CAMKMT: variants seen among roughly 807,000 people sequenced by gnomAD.
The protein encoded by CAMKMT is calmodulin-lysine N-methyltransferase, also known as CaM KMT.
In CAMKMT, 53 loss-of-function variants were observed where a neutral mutation model predicts 48.0. The observed-to-expected ratio is 1.10, with a 90% CI of 0.89 to 1.39. CAMKMT has a LOEUF of 1.39. Among genes scored for constraint, CAMKMT ranks in the 40% most tolerant of loss-of-function variants. CAMKMT has a pLI of 0.00. For synonymous variants in CAMKMT, 165 were observed against 152.3 expected, an observed-to-expected ratio of 1.08 and a Z score of -0.61; for missense variants, 428 against 402.7, an observed-to-expected ratio of 1.06 and a Z score of -0.54.
chr2:44,463,534 G>A (rs984017849), intron 3 of CAMKMT, among the ~76,000 whole-genome samples: 1 of 152,160 alleles, frequency 6.6e-6, no homozygotes, highest in African/African-American at 2.4e-5. Context: ...GAAAAAGTAA[G>A]GGGTTGGGTG....
intron 3 of CAMKMT, among the ~76,000 whole-genome samples, chr2:44,553,107 CT>C (rs370016010): frequency 6.6e-6 from 1 of 152,254 alleles, no homozygotes; most frequent in African/African-American, 2.4e-5. Flanking sequence ...ACATTAAAGT[CT>C]TTTGTTGAAA....
At chr2:44,679,363 C>G (rs1675890298) in intron 3 of CAMKMT, among the ~76,000 whole-genome samples, 1 of 152,168 alleles carries the variant, frequency 6.6e-6, no homozygotes, top group Non-Finnish European at 1.5e-5. Context: ...TTTTTCCACT[C>G]TGATTACTTG....
intron 3 of CAMKMT, among the ~76,000 whole-genome samples, chr2:44,422,691 A>C (rs1296830882): frequency 6.6e-6 from 1 of 152,020 alleles, no homozygotes; most frequent in East Asian, 1.9e-4. Context: ...TTGGAACATA[A>C]ATTTCTTTTT....
chr2:44,550,494 T>G (rs1309545675), intron 3 of CAMKMT, among the ~76,000 whole-genome samples: 2 of 152,140 alleles, frequency 1.3e-5, no homozygotes, highest in Non-Finnish European at 2.9e-5. Context: ...AGATGAATAG[T>G]AAAGGAATTA....
chr2:44,665,027 T>G (rs959544059), intron 3 of CAMKMT, among the ~76,000 whole-genome samples: 29 of 152,108 alleles, frequency 1.9e-4, no homozygotes, highest in Admixed American at 1.2e-3. Flanking sequence ...TTAAACATTG[T>G]CAATTTTAAA....
intron 3 of CAMKMT, among the ~76,000 whole-genome samples, chr2:44,508,791 G>C (rs983687285): frequency 1.3e-5 from 2 of 152,008 alleles, no homozygotes; most frequent in Non-Finnish European, 2.9e-5. Context: ...GATGTAACTT[G>C]TATGTCTTAA....
At chr2:44,552,662 G>T (rs537930731) in intron 3 of CAMKMT, among the ~76,000 whole-genome samples, 1 of 152,238 alleles carries the variant, frequency 6.6e-6, no homozygotes, top group African/African-American at 2.4e-5. Flanking sequence ...TCTTACAACT[G>T]TTCTGCTAAT....
At chr2:44,668,984 T>C (rs1047671036) in intron 3 of CAMKMT, among the ~76,000 whole-genome samples, 1 of 152,106 alleles carries the variant, frequency 6.6e-6, no homozygotes, top group Non-Finnish European at 1.5e-5. Flanking sequence ...GGTTTCACCA[T>C]GTTGGCCAGG....
chr2:44,498,542 G>T (rs188437282), intron 3 of CAMKMT, among the ~76,000 whole-genome samples: 1 of 152,172 alleles, frequency 6.6e-6, no homozygotes, highest in East Asian at 1.9e-4. Flanking sequence ...TGTTTCTTTG[G>T]CAAAAGCTAG....
intron 3 of CAMKMT, among the ~76,000 whole-genome samples, chr2:44,625,279 C>A (rs984061087): frequency 6.6e-6 from 1 of 152,008 alleles, no homozygotes; most frequent in African/African-American, 2.4e-5. Context: ...TGTTTATTGA[C>A]CATTTGTATA....
intron 2 of CAMKMT, among the ~76,000 whole-genome samples, chr2:44,378,606 G>T (rs1420946608): frequency 6.6e-6 from 1 of 152,122 alleles, no homozygotes; most frequent in African/African-American, 2.4e-5. Context: ...CGATTCTCCT[G>T]CCTCAGCCTC....
chr2:44,683,226 T>A (rs1035567106), intron 3 of CAMKMT, among the ~76,000 whole-genome samples: 1 of 139,356 alleles, frequency 7.2e-6, no homozygotes, highest in African/African-American at 2.7e-5. Context: ...AAAAAAAAAA[T>A]GATTTAATTG....
intron 6 of CAMKMT, 35 bp downstream of exon 6, chr2:44,707,497 G>A: frequency 3.2e-6 from 5 of 1,571,002 alleles, no homozygotes; most frequent in Non-Finnish European, 3.5e-6. Flanking sequence ...GGTTTGTTGT[G>A]CTCATTCCTT....
chr2:44,448,923 C>T (rs1196278201), intron 3 of CAMKMT, among the ~76,000 whole-genome samples: 3 of 152,088 alleles, frequency 2.0e-5, no homozygotes, highest in Admixed American at 6.6e-5. Flanking sequence ...TTTATATGAA[C>T]GGTCTAGGAC....
chr2:44,538,688 A>C (rs1027769403), intron 3 of CAMKMT, among the ~76,000 whole-genome samples: 6 of 152,064 alleles, frequency 3.9e-5, no homozygotes, highest in Non-Finnish European at 8.8e-5. Flanking sequence ...TGCTAGGGTG[A>C]TGGGTGTGCT....
intron 3 of CAMKMT, among the ~76,000 whole-genome samples, chr2:44,699,847 C>T (rs112307156): frequency 1.3e-5 from 2 of 152,134 alleles, no homozygotes; most frequent in East Asian, 1.9e-4. Context: ...AGTCACCAGC[C>T]GCACTAGCCC....
rs150526622 is a variant in CAMKMT at position 44,404,624 on chromosome 2, C to G, written c.376+14319C>G. 9.2e-5 allele frequency among the ~76,000 whole-genome samples: 14 copies of G among 152,212 alleles called. No homozygotes were observed. In the East Asian group the frequency reaches 2.5e-3, roughly 27 times the overall value. On this transcript the variant is annotated intron_variant, in intron 3 of 10. Transcript: ENST00000378494. The stretch of plus-strand genomic sequence containing the variant: ...CAGACCACCAGCAATCCCTTAAGTA[C>G]TTTTCCTACCAGCTAATGCTAGCTT...
At chr2:44,396,322 C>G (rs1425595176) in intron 3 of CAMKMT, among the ~76,000 whole-genome samples, 5 of 152,018 alleles carry the variant, frequency 3.3e-5, no homozygotes. Context: ...ATACAAATTA[C>G]ACACTGGCAA....
chr2:44,500,810 T>C (rs866898426), intron 3 of CAMKMT, among the ~76,000 whole-genome samples: 30 of 151,788 alleles, frequency 2.0e-4, no homozygotes, highest in African/African-American at 7.3e-4. Context: ...GCCTCCTGAG[T>C]AGCTGGGATT....
Sources: gnomAD v4.1 joint callset for allele counts (sites outside exome capture counted in the v4.1 genomes callset) on GRCh38, gnomAD v4.1.1 for gene constraint, MANE v1.5 for transcripts, NCBI Gene and HGNC (gene_info 2026-07-23, HGNC 2026-07-21) for gene names.